CNTN4: variants seen among roughly 807,000 people sequenced by gnomAD.
CNTN4 encodes the protein contactin 4, also known as contactin-4.
CNTN4 carries 77 observed loss-of-function variants against 122.5 expected under a neutral mutation model. The observed-to-expected ratio is 0.63, with a 90% CI of 0.52 to 0.76. The LOEUF (loss-of-function observed/expected upper bound fraction) is 0.76, where lower values mean the gene tolerates loss of function less well. Among genes scored for constraint, CNTN4 ranks in the 30% least tolerant of loss-of-function variants. The pLI is 0.00. For synonymous variants in CNTN4, 512 were observed against 447.0 expected (o/e 1.15, Z -1.83); for missense variants, 1,256 against 1,259.1 (o/e 1.00, Z 0.04).
chr3:2,757,544 G>C (rs1417281821), intron 6 of CNTN4, among the ~76,000 whole-genome samples: 2 of 152,196 alleles, frequency 1.3e-5, no homozygotes, highest in Admixed American at 1.3e-4. Flanking sequence ...TATCGTTGAT[G>C]TTATGACATT....
intron 4 of CNTN4, among the ~76,000 whole-genome samples, chr3:2,714,609 A>T (rs577320126): frequency 1.3e-5 from 2 of 152,332 alleles, no homozygotes; most frequent in African/African-American, 4.8e-5. Context: ...AGGCAATTAT[A>T]GGCAAGCAGT....
chr3:2,308,201 G>A (rs920824415), intron 2 of CNTN4, among the ~76,000 whole-genome samples: 2 of 151,960 alleles, frequency 1.3e-5, no homozygotes, highest in African/African-American at 4.8e-5. Flanking sequence ...GTGGTTTATA[G>A]TAATTGCCTT....
chr3:2,209,129 T>C (rs59946693), intron 2 of CNTN4, among the ~76,000 whole-genome samples: 15,402 of 152,240 alleles, frequency 0.1, 1,161 homozygotes, highest in East Asian at 0.41. Context: ...AATAGATGTT[T>C]TAATATCGCC....
intron 4 of CNTN4, among the ~76,000 whole-genome samples, chr3:2,652,552 G>T (rs2083408797): frequency 6.6e-6 from 1 of 152,162 alleles, no homozygotes; most frequent in Admixed American, 6.5e-5. Flanking sequence ...TAGATGGAAT[G>T]TGACAGGGAG....
At chr3:2,252,936 T>G (rs1362126164) in intron 2 of CNTN4, among the ~76,000 whole-genome samples, 1 of 152,138 alleles carries the variant, frequency 6.6e-6, no homozygotes, top group Non-Finnish European at 1.5e-5. Flanking sequence ...AGCTGATTTT[T>G]AATTTTTTTG....
At chr3:3,054,025 A>C (rs1053326533) in intron 24 of CNTN4, 50 bp downstream of exon 24, 1 of 1,587,786 alleles carries the variant, frequency 6.3e-7, no homozygotes, top group Non-Finnish European at 8.6e-7. Context: ...TTATCTTATC[A>C]GCCTTCCAGA....
chr3:2,722,051 C>A (rs2087890389), intron 4 of CNTN4, among the ~76,000 whole-genome samples: 1 of 152,154 alleles, frequency 6.6e-6, no homozygotes, highest in African/African-American at 2.4e-5. Flanking sequence ...ATCTCAGCCT[C>A]CAGAACTGTA....
intron 2 of CNTN4, among the ~76,000 whole-genome samples, chr3:2,258,352 A>G (rs1441686649): frequency 6.6e-6 from 1 of 152,188 alleles, no homozygotes; most frequent in Non-Finnish European, 1.5e-5. Flanking sequence ...CCAAATGCCC[A>G]TCAGTGATAG....
chr3:2,328,074 A>G (rs912803239), intron 2 of CNTN4, among the ~76,000 whole-genome samples: 8 of 152,182 alleles, frequency 5.3e-5, no homozygotes, highest in African/African-American at 1.9e-4. Context: ...TTACTGTTAT[A>G]TTATACCCTT....
intron 6 of CNTN4, among the ~76,000 whole-genome samples, chr3:2,806,925 T>G (rs2092481000): frequency 6.6e-6 from 1 of 152,024 alleles, no homozygotes; most frequent in African/African-American, 2.4e-5. Context: ...AATTTTCATA[T>G]TAACATCCCC....
At chr3:2,670,042 TGTG>T (rs1207701537) in intron 4 of CNTN4, among the ~76,000 whole-genome samples, 3 of 152,220 alleles carry the variant, frequency 2.0e-5, no homozygotes, top group Non-Finnish European at 4.4e-5. Context: ...ATAAGTGTGA[TGTG>T]GTGCTGAGAA....
At chr3:2,723,544 CTG>C (rs1559430586) in intron 4 of CNTN4, among the ~76,000 whole-genome samples, 1 of 152,158 alleles carries the variant, frequency 6.6e-6, no homozygotes, top group East Asian at 1.9e-4. Context: ...GGGATGAAGG[CTG>C]TGTCTTCACA....
rs756540377 is a variant in CNTN4, at chr3:2,902,937, G to A, written c.1139G>A (p.Gly380Asp). 1 of 1,613,694 alleles carries A rather than the reference G, an allele frequency of 6.2e-7. No individual in the cohort carries two copies. The highest frequency in any genetic ancestry group is 8.5e-7 in the Non-Finnish European group (1 of 1,179,746). Residue 380 changes from glycine to aspartate, a missense_variant, in exon 12 of 25, where the codon GGC (glycine) becomes GAC (aspartate). Gly to Asp is a moderately conservative substitution (Grantham distance 94). Coordinates refer to ENST00000418658, the MANE Select transcript of CNTN4 (RefSeq NM_175607.3). ...NITIVNLSDA[G>D]MYQCLAENKH... ...ACAATAGTGAACCTCTCAGATGCTG[G>A]CATGTATCAGTGTTTGGCAGAGAAT...
At chr3:2,563,574 C>T (rs867113302) in intron 3 of CNTN4, among the ~76,000 whole-genome samples, 4 of 152,224 alleles carry the variant, frequency 2.6e-5, no homozygotes, top group African/African-American at 9.6e-5. Flanking sequence ...TTTTATGTTG[C>T]TGATTTACTA....
intron 13 of CNTN4, among the ~76,000 whole-genome samples, chr3:2,971,334 A>G (rs1351654770): frequency 7.2e-6 from 1 of 139,346 alleles, no homozygotes; most frequent in Non-Finnish European, 1.5e-5. Context: ...CTATATCTAT[A>G]TCTGTCTGTC....
intron 23 of CNTN4, among the ~76,000 whole-genome samples, chr3:3,051,104 A>G (rs1346615345): frequency 6.6e-6 from 1 of 152,178 alleles, no homozygotes; most frequent in Non-Finnish European, 1.5e-5. Flanking sequence ...AGTGTATTTT[A>G]TGTGTGGCCC....
intron 6 of CNTN4, among the ~76,000 whole-genome samples, chr3:2,795,052 A>G (rs1041209983): frequency 3.3e-5 from 5 of 152,222 alleles, no homozygotes; most frequent in Non-Finnish European, 7.3e-5. Flanking sequence ...TTAAAATACC[A>G]TAATTCTCTG....
At chr3:2,567,234 GTGC>G (rs1203114413) in intron 3 of CNTN4, among the ~76,000 whole-genome samples, 1 of 151,946 alleles carries the variant, frequency 6.6e-6, no homozygotes, top group Non-Finnish European at 1.5e-5. Flanking sequence ...CTACAGGCAT[GTGC>G]CACCACACCC....
intron 4 of CNTN4, among the ~76,000 whole-genome samples, chr3:2,631,048 A>C (rs187009214): frequency 2.6e-4 from 39 of 152,304 alleles, no homozygotes; most frequent in African/African-American, 9.4e-4. Context: ...TTATAAGGCA[A>C]AATCTCTCAT....
Sources: gnomAD v4.1 joint callset for allele counts (sites outside exome capture counted in the v4.1 genomes callset) on GRCh38, gnomAD v4.1.1 for gene constraint, MANE v1.5 for transcripts, NCBI Gene and HGNC (gene_info 2026-07-23, HGNC 2026-07-21) for gene names.